TMEM65: variants seen among roughly 807,000 people sequenced by gnomAD.
TMEM65 encodes the protein transmembrane protein 65.
In TMEM65, 22 loss-of-function variants were observed where a neutral mutation model predicts 25.4. That is an observed-to-expected ratio of 0.86 (90% CI 0.62 to 1.23). The LOEUF is 1.23. TMEM65 is among the 50% of genes most tolerant of loss of function. The pLI is 0.00. For missense variants in TMEM65, 262 were observed against 308.2 expected, an observed-to-expected ratio of 0.85 and a Z score of 1.12; for synonymous variants, 132 against 126.2, an observed-to-expected ratio of 1.05 and a Z score of -0.31.
intron 1 of TMEM65, among the ~76,000 whole-genome samples, chr8:124,335,142 T>C (rs1016823148): frequency 2.0e-5 from 3 of 151,474 alleles, no homozygotes; most frequent in African/African-American, 4.9e-5. Context: ...TGAAGGAAAA[T>C]TATCATAAAG....
In TMEM65 at chr8:124,372,102, C is replaced by G; in HGVS notation, c.56G>C (p.Gly19Ala). The G allele has an allele frequency of 5.6e-6, 6 of 1,069,256 alleles. No individual in the cohort carries two copies. Among genetic ancestry groups the G allele is most frequent in the East Asian group, 1.2e-4 (2 of 16,852 alleles). 66.2% of individuals were successfully genotyped at this position (1,069,256 alleles called of 1,614,324 possible). ...RSRTARSLRP[G>A]PAAAAAPRPP... ...GCGGGGCGCGGCGGCGGCGGCCGGG[C>G]CCGGCCTCAGGCTGCGCGCGGTCCG... The change falls in exon 1 of 7, where the codon GGC becomes GCC. Residue 19 changes from glycine to alanine, a missense_variant. Transcript: ENST00000297632.
At chr8:124,357,875 G>A (rs1182019517) in intron 1 of TMEM65, among the ~76,000 whole-genome samples, 1 of 129,240 alleles carries the variant, frequency 7.7e-6, no homozygotes, top group Admixed American at 9.6e-5. Context: ...TTATTGCTAG[G>A]CTGGAGTGCA....
chr8:124,366,431 T>C (rs952891401), intron 1 of TMEM65, among the ~76,000 whole-genome samples: 11 of 152,218 alleles, frequency 7.2e-5, no homozygotes, highest in Non-Finnish European at 1.5e-5. Context: ...CAAACCGATG[T>C]TGGACCTTCT....
rs61595217 is a variant in TMEM65, at chr8:124,362,144, G to C, written c.304+9710C>G. On this transcript the variant is annotated intron_variant, in intron 1 of 6. Transcript: ENST00000297632. ...TGACCTCAGGTGATCCACCCGCCTC[G>C]GCCTCCCAAAGTGCTGGGATTACAG... Among the ~76,000 whole-genome samples the C allele has an allele frequency of 2.9e-4, 44 of 151,710 alleles. 1 individual carries two copies. The highest frequency in any genetic ancestry group is 4.7e-4 in the Non-Finnish European group (32 of 67,926).
In TMEM65 at chr8:124,327,357, A is replaced by C. The variant is rs1814376679; in HGVS notation, c.414T>G (p.Val138=). The change falls in exon 3 of 7, where the codon GTT becomes GTG. Residue 138 remains valine, a synonymous_variant. Coordinates refer to ENST00000297632, the MANE Select transcript of TMEM65 (RefSeq NM_194291.3). ...AGCAGTGAGAGAAAGAACTTACAGCAACAATCATAATTGCATTATCCAAAA... is the reference window on the plus strand; with the variant it reads ...AGCAGTGAGAGAAAGAACTTACAGCCACAATCATAATTGCATTATCCAAAA... The part of the protein sequence containing the change: ...FGFLDNAIMI[V]AGTHIEMSIG... 1 of 1,599,738 alleles carries C rather than the reference A, an allele frequency of 6.3e-7. No individual in the cohort carries two copies. The highest frequency in any genetic ancestry group is 1.3e-5 in the African/African-American group (1 of 74,324).
chr8:124,328,866 C>T (rs1394180716), intron 2 of TMEM65, among the ~76,000 whole-genome samples: 1 of 151,598 alleles, frequency 6.6e-6, no homozygotes, highest in South Asian at 2.1e-4. Flanking sequence ...TATAAAAATT[C>T]GATATTACTA....
intron 1 of TMEM65, among the ~76,000 whole-genome samples, chr8:124,345,363 G>A (rs188000867): frequency 2.6e-4 from 39 of 152,316 alleles, no homozygotes; most frequent in African/African-American, 7.7e-4. Flanking sequence ...TGCCCAACAC[G>A]TGAGTTGTCT....
At chr8:124,336,296 T>C (rs943933492) in intron 1 of TMEM65, among the ~76,000 whole-genome samples, 1 of 151,990 alleles carries the variant, frequency 6.6e-6, no homozygotes, top group Non-Finnish European at 1.5e-5. Flanking sequence ...TTCTTAGTAA[T>C]TGACAGAAAA....
rs754649408 is a variant in TMEM65 at position 124,372,011 on chromosome 8, G to C, written c.147C>G (p.Gly49=). The stretch of plus-strand genomic sequence containing the variant: ...GGTGCGTGCCCAGCCGCCTGGGGCC[G>C]CCCGGCAAGCCGCCGGGGGGCGCGA... ...LALAPPGGLP[G]GPRRLGTHPK... is the part of the protein sequence containing the mutation. The change falls in exon 1 of 7, where the codon GGC becomes GGG. Residue 49 remains glycine, a synonymous_variant. Coordinates refer to ENST00000297632, the MANE Select transcript of TMEM65 (RefSeq NM_194291.3). 1 of 1,315,324 alleles carries C rather than the reference G, an allele frequency of 7.6e-7. No homozygotes were observed. Among genetic ancestry groups the C allele is most frequent in the African/African-American group, 1.5e-5 (1 of 64,974 alleles). The allele number at this position is 1,315,324 out of a possible 1,614,324, so 81.5% of individuals were successfully genotyped here. A position where few individuals can be genotyped will look rare whatever the true frequency, so the allele number is the denominator to read the frequency against.
At position 124,371,918 on chromosome 8, in the gene TMEM65, G is replaced by T; in HGVS notation, c.240C>A (p.His80Gln). 6.5e-7 allele frequency: 1 copy of T among 1,541,478 alleles called. No individual in the cohort carries two copies. The highest frequency in any genetic ancestry group is 8.7e-7 in the Non-Finnish European group (1 of 1,147,846). The part of the protein sequence containing the change: ...QGARDFIYSL[H>Q]STERSCLLKE... ...TGAGCAGGCAGCTCCTCTCCGTGGA[G>T]TGCAGGCTGTAGATGAAGTCGCGCG... The change falls in exon 1 of 7, where the codon CAC (histidine) becomes CAA (glutamine). Residue 80 changes from histidine (H) to glutamine (Q), a missense_variant. By Grantham distance (24) the His-to-Gln change is conservative (BLOSUM62 0). Coordinates refer to ENST00000297632, the MANE Select transcript of TMEM65 (RefSeq NM_194291.3).
At chr8:124,325,054 T>A (rs984115258) in intron 3 of TMEM65, among the ~76,000 whole-genome samples, 1 of 151,988 alleles carries the variant, frequency 6.6e-6, no homozygotes, top group Non-Finnish European at 1.5e-5. Context: ...AAAGGCTTAA[T>A]ATGAACACCA....
intron 1 of TMEM65, among the ~76,000 whole-genome samples, chr8:124,363,352 T>C (rs761337908): frequency 6.6e-6 from 1 of 152,236 alleles, no homozygotes; most frequent in Non-Finnish European, 1.5e-5. Context: ...TGTCTTGGTA[T>C]GTTATCAGTC....
chr8:124,326,837 A>G (rs1168726606), intron 3 of TMEM65, among the ~76,000 whole-genome samples: 1 of 151,998 alleles, frequency 6.6e-6, no homozygotes, highest in Non-Finnish European at 1.5e-5. Flanking sequence ...AACAAAGGGG[A>G]ATTTTTTTTA....
chr8:124,365,998 A>G (rs1390794305), intron 1 of TMEM65, among the ~76,000 whole-genome samples: 1 of 152,130 alleles, frequency 6.6e-6, no homozygotes, highest in Non-Finnish European at 1.5e-5. Context: ...AGGCAGGAGG[A>G]TTGCTTGAGG....
chr8:124,334,639 C>G (rs1331622076), intron 1 of TMEM65, among the ~76,000 whole-genome samples: 1 of 150,926 alleles, frequency 6.6e-6, no homozygotes, highest in Non-Finnish European at 1.5e-5. Flanking sequence ...TAGGGGGTAC[C>G]TATCATCCCA....
At chr8:124,338,407 T>A (rs1289709642) in intron 1 of TMEM65, among the ~76,000 whole-genome samples, 1 of 151,206 alleles carries the variant, frequency 6.6e-6, no homozygotes, top group Non-Finnish European at 1.5e-5. Flanking sequence ...CAAGAGAGAA[T>A]ATATGTAAGG....
intron 1 of TMEM65, among the ~76,000 whole-genome samples, chr8:124,349,708 T>C (rs1450996977): frequency 6.6e-6 from 1 of 152,152 alleles, no homozygotes; most frequent in Non-Finnish European, 1.5e-5. Flanking sequence ...TCAAGAGATG[T>C]ACCACCTAAA....
intron 1 of TMEM65, among the ~76,000 whole-genome samples, chr8:124,342,350 C>A (rs1406028861): frequency 6.6e-6 from 1 of 152,114 alleles, no homozygotes; most frequent in Non-Finnish European, 1.5e-5. Flanking sequence ...AGTCCAAGAA[C>A]TCTAAGGAAG....
At chr8:124,318,361 A>ATTT (rs1563588866) in intron 6 of TMEM65, among the ~76,000 whole-genome samples, 2 of 107,484 alleles carry the variant, frequency 1.9e-5, no homozygotes, top group Admixed American at 1.4e-4. Context: ...CTGAATTTGC[A>ATTT]TGTTTTTGTT....
Sources: gnomAD v4.1 joint callset for allele counts (sites outside exome capture counted in the v4.1 genomes callset) on GRCh38, gnomAD v4.1.1 for gene constraint, MANE v1.5 for transcripts, NCBI Gene and HGNC (gene_info 2026-07-23, HGNC 2026-07-21) for gene names.